NHSL1: variants seen among roughly 807,000 people sequenced by gnomAD.
NHSL1 encodes the protein NHS-like protein 1.
A neutral mutation model predicts 95.0 loss-of-function variants in NHSL1; 48 were observed. The observed-to-expected ratio is 0.51, with a 90% confidence interval of 0.40 to 0.64. NHSL1 has a LOEUF of 0.64. Ranked by LOEUF, NHSL1 falls within the 30% of genes least tolerant of loss-of-function variation. NHSL1 has a pLI of 0.00. For missense variants in NHSL1, 1,971 were observed against 2,077.7 expected, an observed-to-expected ratio of 0.95 and a Z score of 1.00; for synonymous variants, 783 against 833.9, an observed-to-expected ratio of 0.94 and a Z score of 1.05.
At chr6:138,516,263 C>T (rs1255190770) in intron 1 of NHSL1, among the ~76,000 whole-genome samples, 1 of 152,136 alleles carries the variant, frequency 6.6e-6, no homozygotes, top group East Asian at 1.9e-4. Context: ...GGAGTCAAAA[C>T]CTGGGTGCCA....
intron 1 of NHSL1, among the ~76,000 whole-genome samples, chr6:138,580,712 CT>C (rs1300758924): frequency 2.6e-5 from 4 of 152,208 alleles, no homozygotes; most frequent in African/African-American, 9.7e-5. Context: ...AACACAATAA[CT>C]TGGTAGAAAA....
At chr6:138,512,471 C>G (rs1781276546) in intron 1 of NHSL1, 1 of 304,736 alleles carries the variant, frequency 3.3e-6, no homozygotes, top group Admixed American at 4.4e-5. Context: ...TCTAACTGCT[C>G]GTCAACAGGA....
At chr6:138,522,838 G>A (rs190291976) in intron 1 of NHSL1, among the ~76,000 whole-genome samples, 8 of 152,118 alleles carry the variant, frequency 5.3e-5, no homozygotes, top group African/African-American at 1.7e-4. Context: ...TTCTCTTTGA[G>A]CTCTCTTAAT....
chr6:138,580,511 G>A (rs908963690), intron 1 of NHSL1, among the ~76,000 whole-genome samples: 5 of 152,118 alleles, frequency 3.3e-5, no homozygotes, highest in African/African-American at 9.7e-5. Context: ...GATGAGGGAC[G>A]TGGGAAGCCA....
chr6:138,657,897 A>G (rs1247158604), intron 1 of NHSL1, among the ~76,000 whole-genome samples: 1 of 150,438 alleles, frequency 6.6e-6, no homozygotes, highest in Non-Finnish European at 1.5e-5. Context: ...AAAAAGTTTT[A>G]AGATATAATT....
rs190815075 is a variant in NHSL1, at chr6:138,523,012, T to A, written c.16+22611A>T. ...TTCATTAATAAAATAAAAGGAAGGGTCTCTGTCCCCCCACCCCCACCCTTT... is the reference window on the plus strand; with the variant it reads ...TTCATTAATAAAATAAAAGGAAGGGACTCTGTCCCCCCACCCCCACCCTTT... On this transcript the variant is annotated intron_variant, in intron 1 of 4. Coordinates refer to the NHSL1 transcript ENST00000342260. 2.0e-5 allele frequency among the ~76,000 whole-genome samples: 3 copies of A among 151,894 alleles called. No homozygotes were observed. In the East Asian group the frequency reaches 5.8e-4, roughly 29 times the overall value.
intron 1 of NHSL1, among the ~76,000 whole-genome samples, chr6:138,691,595 C>T (rs1476885532): frequency 6.6e-6 from 1 of 152,202 alleles, no homozygotes; most frequent in Non-Finnish European, 1.5e-5. Context: ...CATCAACCAT[C>T]TCCAATTTAT....
chr6:138,439,900 C>T (rs1328820261), intron 5 of NHSL1, among the ~76,000 whole-genome samples: 4 of 152,120 alleles, frequency 2.6e-5, no homozygotes, highest in Non-Finnish European at 5.9e-5. Flanking sequence ...ACTAAAATTA[C>T]AAAAGATATG....
intron 7 of NHSL1, among the ~76,000 whole-genome samples, chr6:138,426,228 G>C (rs1037974678): frequency 2.0e-5 from 3 of 152,198 alleles, no homozygotes; most frequent in Non-Finnish European, 4.4e-5. Flanking sequence ...TATGCAGCAG[G>C]GAAAGGTTGA....
At chr6:138,626,066 T>C (rs533448812) in intron 1 of NHSL1, among the ~76,000 whole-genome samples, 13 of 152,342 alleles carry the variant, frequency 8.5e-5, no homozygotes, top group Non-Finnish European at 1.5e-4. Flanking sequence ...TTACTGGCTA[T>C]AAAAATCCAC....
chr6:138,466,065 A>T (rs1583233053), intron 3 of NHSL1, among the ~76,000 whole-genome samples: 1 of 135,562 alleles, frequency 7.4e-6, no homozygotes, highest in East Asian at 2.3e-4. Flanking sequence ...GGGGGAACAG[A>T]GTCTTGCTTA....
chr6:138,494,801 C>T (rs771619766), intron 2 of NHSL1, among the ~76,000 whole-genome samples: 7 of 152,170 alleles, frequency 4.6e-5, no homozygotes, highest in Non-Finnish European at 8.8e-5. Context: ...CTGGTAGGAG[C>T]AGCATCTGGT....
chr6:138,688,194 G>A (rs1346730513), intron 1 of NHSL1, among the ~76,000 whole-genome samples: 4 of 151,918 alleles, frequency 2.6e-5, no homozygotes, highest in Non-Finnish European at 5.9e-5. Context: ...TCAAGTGATC[G>A]GCCCACCTTG....
chr6:138,600,140 T>C (rs911726767), intron 1 of NHSL1, among the ~76,000 whole-genome samples: 1 of 151,068 alleles, frequency 6.6e-6, no homozygotes. Context: ...CAAGACTCCA[T>C]CTCAAAAAAA....
intron 1 of NHSL1, among the ~76,000 whole-genome samples, chr6:138,605,435 A>G (rs757950301): frequency 6.6e-6 from 1 of 152,214 alleles, no homozygotes; most frequent in Non-Finnish European, 1.5e-5. Context: ...GCAAATAAAA[A>G]TATAAACTCT....
At chr6:138,545,927 C>G (rs888746944), upstream of NHSL1, 27 of 681,622 alleles carry the variant, frequency 4.0e-5, no homozygotes, top group African/African-American at 4.7e-4. Context: ...TAGTCCAGTG[C>G]AGATCAGCCC....
intron 5 of NHSL1, among the ~76,000 whole-genome samples, chr6:138,437,409 CATAT>C (rs1212963884): frequency 0.012 from 838 of 72,440 alleles, 107 homozygotes; most frequent in African/African-American, 0.051. Context: ...TATATACACA[CATAT>C]ACACACACAC....
At chr6:138,455,558 C>T (rs370135227) in intron 3 of NHSL1, among the ~76,000 whole-genome samples, 2 of 112,542 alleles carry the variant, frequency 1.8e-5, no homozygotes, top group African/African-American at 3.2e-5. Context: ...CAAGGAGCCC[C>T]GCCTTCGCAT....
intron 1 of NHSL1, among the ~76,000 whole-genome samples, chr6:138,616,518 G>A (rs1348935067): frequency 6.6e-6 from 1 of 151,864 alleles, no homozygotes; most frequent in East Asian, 1.9e-4. Flanking sequence ...GGAACAAGGG[G>A]GCAGGCAGAG....
Sources: allele counts gnomAD v4.1 joint callset (sites outside exome capture counted in the v4.1 genomes callset), GRCh38; gene constraint gnomAD v4.1.1; transcripts MANE v1.5; gene names NCBI Gene and HGNC (gene_info 2026-07-23, HGNC 2026-07-21).